CIAO3: variants seen among roughly 807,000 people sequenced by gnomAD.
The protein encoded by CIAO3 is cytosolic iron-sulfur assembly component 3.
In CIAO3, 45 loss-of-function variants were observed where a neutral mutation model predicts 51.5. The observed-to-expected ratio is 0.87, with a 90% CI of 0.69 to 1.12. The LOEUF is 1.12. CIAO3 is among the 50% of genes most tolerant of loss of function. The pLI, the probability that CIAO3 is intolerant of heterozygous loss-of-function variation, is 0.00. For missense variants in CIAO3, 668 were observed against 632.5 expected, an observed-to-expected ratio of 1.06 and a Z score of -0.60; for synonymous variants, 314 against 269.3, an observed-to-expected ratio of 1.17 and a Z score of -1.63.
In CIAO3 at chr16:730,636, G is replaced by C; in HGVS notation, c.1212C>G (p.Gly404=). The change falls in exon 11 of 11, where the codon GGC becomes GGG. Residue 404 remains glycine, a synonymous_variant. Transcript: ENST00000251588. ...TGGGCCTGTCTGGGGCCTGGAGCTG[G>C]CCCCCGCCGTTCAGGCAGCCTATGG... is the stretch of plus-strand genomic sequence containing the variant. ...ACPSGCLNGG[G]QLQAPDRPSR... 6.2e-7 allele frequency: 1 copy of C among 1,609,040 alleles called. No homozygotes were observed. Among genetic ancestry groups the C allele is most frequent in the South Asian group, 1.1e-5 (1 of 91,066 alleles).
chr16:732,274 A>G (rs1252243156), intron 8 of CIAO3, 27 bp downstream of exon 8: 1 of 1,589,212 alleles, frequency 6.3e-7, no homozygotes, highest in Admixed American at 1.7e-5. Flanking sequence ...AGCTAAAATA[A>G]CAGTTCTTGG....
chr16:738,415 C>T, intron 2 of CIAO3: 1 of 764,480 alleles, frequency 1.3e-6, no homozygotes, highest in Non-Finnish European at 1.6e-6. Context: ...GTGGTGCGAT[C>T]TCGGCTCACT....
chr16:736,426 A>ATG, intron 3 of CIAO3, 28 bp from the exon 4 acceptor site: 1 of 1,611,436 alleles, frequency 6.2e-7, no homozygotes, highest in Non-Finnish European at 8.5e-7. Flanking sequence ...GACGCTGCTT[A>ATG]CTCTGCTGGC....
chr16:738,312 A>G lies in CIAO3; in HGVS notation c.163-983T>C, dbSNP rs560350081. The G allele has an allele frequency of 2.8e-4, 279 of 984,144 alleles. 1 individual carries two copies. In the African/African-American group the frequency reaches 4.7e-3, roughly 17 times the overall value. The allele number at this position is 984,144 out of a possible 1,614,324, so 61.0% of individuals were successfully genotyped here. A position where few individuals can be genotyped will look rare whatever the true frequency, so the allele number is the denominator to read the frequency against. On this transcript the variant is annotated intron_variant, in intron 2 of 10. Transcript: ENST00000251588. ...TCATGAGATCAGGCAGACGTTTTTT[A>G]GAGTCCAAATGGCAGACAGGTGAAT...
Position 734,828 on chromosome 16 carries a change from G to A in CIAO3, c.483C>T (p.Ser161=). ...CAAACTCTCGCTGGCTCTCCAGGAG[G>A]CTGAAGTGCCTTGAGAAGGCGGTGT... The part of the protein sequence containing the change: ...VFDTAFSRHF[S]LLESQREFVR... Residue 161 remains serine (S), a synonymous_variant, in exon 5 of 11, where the codon AGC becomes AGT. Coordinates refer to ENST00000251588, the MANE Select transcript of CIAO3 (RefSeq NM_022493.3). The A allele has an allele frequency of 6.3e-7, 1 of 1,594,016 alleles. No individual in the cohort carries two copies. Among genetic ancestry groups the A allele is most frequent in the Non-Finnish European group, 8.6e-7 (1 of 1,167,010 alleles).
At position 730,507 on chromosome 16, in the gene CIAO3, C is replaced by G. The variant is rs1567342427; in HGVS notation, c.1341G>C (p.Gln447His). 6.2e-7 allele frequency: 1 copy of G among 1,610,444 alleles called. No individual in the cohort carries two copies. Among genetic ancestry groups the G allele is most frequent in the Non-Finnish European group, 8.5e-7 (1 of 1,179,988 alleles). The change falls in exon 11 of 11, where the codon CAG (glutamine) becomes CAC (histidine). Residue 447 changes from glutamine (Q) to histidine (H), a missense_variant. Physicochemically the swap from Gln to His is conservative, Grantham distance 24 (BLOSUM62 0). Transcript: ENST00000251588. ...GACCTGCACACTCCGAGTCCGTGCC[C>G]TGCAGCCAGTGTGTGTACAGCTCCT... is the stretch of plus-strand genomic sequence containing the variant. Reference protein sequence around the residue: ...GVQELYTHWLQGTDSECAGRL... With the variant: ...GVQELYTHWLHGTDSECAGRL...
At chr16:731,819 GAC>G (rs2041286656) in intron 8 of CIAO3, 117 bp from the exon 9 acceptor site, 3 of 1,334,042 alleles carry the variant, frequency 2.2e-6, no homozygotes, top group Non-Finnish European at 3.0e-6. Flanking sequence ...ACAAGTCACA[GAC>G]ACAGAGGAAC....
At chr16:734,639 C>T (rs1567344691) in intron 5 of CIAO3, 98 bp downstream of exon 5, 1 of 1,600,086 alleles carries the variant, frequency 6.2e-7, no homozygotes, top group Non-Finnish European at 8.6e-7. Flanking sequence ...CTTGCGTCTC[C>T]ACCCCCCATG....
chr16:732,549 AGGCTGCCT>A (rs2041295145), intron 7 of CIAO3, 176 bp from the exon 8 acceptor site: 1 of 732,052 alleles, frequency 1.4e-6, no homozygotes, highest in African/African-American at 1.7e-5. Flanking sequence ...GCCCCTCTGG[AGGCTGCCT>A]GGTCCTGCCC....
At chr16:738,603 C>A (rs1054463997) in intron 2 of CIAO3, 1 of 151,874 alleles carries the variant, frequency 6.6e-6, no homozygotes, top group Non-Finnish European at 1.5e-5. Flanking sequence ...CCACCCGCCT[C>A]GGCCTCCCAA....
Position 729,925 on chromosome 16 carries a change from C to T in CIAO3, c.*492G>A, listed in dbSNP as rs1192827300. On this transcript the variant is annotated 3_prime_UTR_variant, in exon 11 of 11. Transcript: ENST00000251588. Reference sequence around the variant, plus strand: ...ACCCCTGCTTTCCAGGGGCCTGGCACCCCCCCCTGCCAGGGTCCACACGCA... The same window carrying T: ...ACCCCTGCTTTCCAGGGGCCTGGCATCCCCCCCTGCCAGGGTCCACACGCA... 22 of 311,002 alleles carry T rather than the reference C, an allele frequency of 7.1e-5. No homozygotes were observed. Among genetic ancestry groups the T allele is most frequent in the South Asian group, 5.7e-4 (20 of 35,134 alleles). The allele number at this position is 311,002 out of a possible 1,614,324, so 19.3% of individuals were successfully genotyped here. A position where few individuals can be genotyped will look rare whatever the true frequency, so the allele number is the denominator to read the frequency against.
In CIAO3 at chr16:732,106, G is replaced by A. The variant is rs539418880; in HGVS notation, c.896+195C>T. 96 of 640,028 alleles carry A rather than the reference G, an allele frequency of 1.5e-4. No individual in the cohort carries two copies. The South Asian group carries it at 1.7e-3, about 11-fold the overall frequency. The allele number at this position is 640,028 out of a possible 1,614,324, so 39.6% of individuals were successfully genotyped here. Reference sequence around the variant, plus strand: ...TTGGCCGAGCTGGTCTCGAACTCCTGACCTCAGGTGATCTGCCCACCTTGG... The same window carrying A: ...TTGGCCGAGCTGGTCTCGAACTCCTAACCTCAGGTGATCTGCCCACCTTGG... On this transcript the variant is annotated intron_variant, in intron 8 of 10. Transcript: ENST00000251588.
intron 2 of CIAO3, 97 bp downstream of exon 2, chr16:739,546 T>G (rs778729732): frequency 8.4e-7 from 1 of 1,183,646 alleles, no homozygotes; most frequent in Non-Finnish European, 1.3e-6. Flanking sequence ...AGACCTGGAG[T>G]GTCTCGGGGT....
intron 8 of CIAO3, chr16:732,076 C>T: frequency 1.7e-6 from 1 of 572,434 alleles, no homozygotes; most frequent in Non-Finnish European, 3.1e-6. Context: ...TGAGGTTTCA[C>T]CATGTTGGCC....
At position 734,213 on chromosome 16, in the gene CIAO3, G is replaced by T; in HGVS notation, c.693+16C>A. 6.2e-7 allele frequency: 1 copy of T among 1,605,872 alleles called. No homozygotes were observed. Among genetic ancestry groups the T allele is most frequent in the Non-Finnish European group, 8.5e-7 (1 of 1,176,324 alleles). On this transcript the variant is annotated intron_variant, in intron 6 of 10. Coordinates refer to ENST00000251588, the MANE Select transcript of CIAO3 (RefSeq NM_022493.3). ...CGCTCCCCAGCCTGAGTCTGGGGCT[G>T]GCCCAACGCCGTTACCTGCTGCTGG...
At chr16:732,226 C>T (rs2041290605) in intron 8 of CIAO3, 75 bp downstream of exon 8, 1 of 1,478,410 alleles carries the variant, frequency 6.8e-7, no homozygotes, top group Non-Finnish European at 9.2e-7. Context: ...GAGGCAAGCC[C>T]AGAGCAGGGG....
chr16:736,361 G>A lies in CIAO3; in HGVS notation c.344C>T (p.Ser115Leu), dbSNP rs1440510559. 2.9e-5 allele frequency: 46 copies of A among 1,612,892 alleles called. No individual in the cohort carries two copies. Among genetic ancestry groups the A allele is most frequent in the Non-Finnish European group, 3.9e-5 (46 of 1,179,826 alleles). ...CGATGCTCTAGACTGTGGTGAGACC[G>A]AAACTACAACCAGCCTCTGCTGACT... Reference protein sequence around the residue: ...APSQQRLVVVSVSPQSRASLA... With the variant: ...APSQQRLVVVLVSPQSRASLA... The change falls in exon 4 of 11, where the codon TCG becomes TTG. Residue 115 changes from serine to leucine, a missense_variant. Transcript: ENST00000251588.
chr16:734,967 TGTGTCGCACCTGCTTGCC>T, intron 4 of CIAO3, 96 bp from the exon 5 acceptor site: 2 of 1,422,988 alleles, frequency 1.4e-6, no homozygotes, highest in South Asian at 2.9e-5. Context: ...CCAGGGCACG[TGTGTCGCACCTGCTTGCC>T]GTGCCAAAGC....
Position 730,358 on chromosome 16 carries a change from C to A in CIAO3, c.*59G>T. The A allele has an allele frequency of 1.3e-6, 2 of 1,516,310 alleles. No individual in the cohort carries two copies. The highest frequency in any genetic ancestry group is 1.2e-5 in the South Asian group (1 of 86,380). 93.9% of individuals were successfully genotyped at this position (1,516,310 alleles called of 1,614,324 possible). ...TGGGGGAAGCCCTGGGGTCTTGGGG[C>A]ATGTGGTTCTGCTGTCACACATGGA... On this transcript the variant is annotated 3_prime_UTR_variant, in exon 11 of 11. Transcript: ENST00000251588.
Sources: allele counts gnomAD v4.1 joint callset, GRCh38; gene constraint gnomAD v4.1.1; transcripts MANE v1.5; gene names NCBI Gene and HGNC (gene_info 2026-07-23, HGNC 2026-07-21).